The following CFAP47 variants were observed in gnomAD, a reference collection of about 807,000 sequenced individuals.
CFAP47 encodes the protein cilia and flagella associated protein 47.
A neutral mutation model predicts 148.1 loss-of-function variants in CFAP47; 29 were observed. That is an observed-to-expected ratio of 0.20 (90% CI 0.15 to 0.27). CFAP47 has a LOEUF of 0.27. Ranked by LOEUF, CFAP47 falls within the 10% of genes least tolerant of loss-of-function variation. The pLI is 1.00. For missense variants in CFAP47, 1,872 were observed against 1,697.5 expected, an observed-to-expected ratio of 1.10 and a Z score of -1.81; for synonymous variants, 664 against 577.3, an observed-to-expected ratio of 1.15 and a Z score of -2.15.
chrX:36,227,911 T>C (rs990822820), intron 45 of CFAP47, among the ~76,000 whole-genome samples: 13 of 111,871 alleles, frequency 1.2e-4, no homozygotes, highest in African/African-American at 3.9e-4. Context: ...AGAGAAAAAG[T>C]GGTGTTGCCT....
At chrX:36,250,954 A>C (rs2146922754) in intron 48 of CFAP47, among the ~76,000 whole-genome samples, 1 of 111,094 alleles carries the variant, frequency 9.0e-6, no homozygotes, top group Non-Finnish European at 1.9e-5. Flanking sequence ...TTGATGTAGA[A>C]ATTTATTGAA....
intron 49 of CFAP47, among the ~76,000 whole-genome samples, chrX:36,271,825 T>C (rs1236601050): frequency 1.8e-5 from 2 of 111,521 alleles, no homozygotes; most frequent in East Asian, 5.6e-4. Flanking sequence ...AAATCATTGA[T>C]GCTTTACAGA....
intron 60 of CFAP47, among the ~76,000 whole-genome samples, chrX:36,358,534 G>A (rs1423002475): frequency 1.8e-5 from 2 of 111,881 alleles, no homozygotes; most frequent in Non-Finnish European, 3.8e-5. Context: ...AAAGTCTTAA[G>A]TCAGACTGCT....
chrX:35,924,276 T>C (rs1935675536), intron 1 of CFAP47, among the ~76,000 whole-genome samples: 1 of 101,548 alleles, frequency 9.8e-6, no homozygotes, highest in East Asian at 3.0e-4. Context: ...TACATGTATG[T>C]GTATATGTAC....
At chrX:36,016,027 G>T (rs1484938871) in intron 22 of CFAP47, among the ~76,000 whole-genome samples, 1 of 110,050 alleles carries the variant, frequency 9.1e-6, no homozygotes, top group Non-Finnish European at 1.9e-5. Flanking sequence ...GGGGCACATA[G>T]TAGGTGTATA....
Position 36,085,416 on chromosome X carries a change from G to C in CFAP47, c.4794G>C (p.Leu1598=), listed in dbSNP as rs893638161. 8.3e-7 allele frequency: 1 copy of C among 1,200,034 alleles called. No homozygotes were observed. The highest frequency in any genetic ancestry group is 1.1e-6 in the Non-Finnish European group (1 of 887,876). The change falls in exon 30 of 64, where the codon CTG becomes CTC. Residue 1598 remains leucine, a synonymous_variant. Transcript: ENST00000378653. ...ATAATAAGACCATTTATGATGTGCTGCTCCATTTGAGTGGAAAAATGCCAC... is the reference window on the plus strand; with the variant it reads ...ATAATAAGACCATTTATGATGTGCTCCTCCATTTGAGTGGAAAAATGCCAC... ...SKYNKTIYDV[L]LHLSGKMPPG...
intron 63 of CFAP47, among the ~76,000 whole-genome samples, chrX:36,381,649 G>A (rs991252678): frequency 9.0e-6 from 1 of 110,936 alleles, no homozygotes; most frequent in Non-Finnish European, 1.9e-5. Flanking sequence ...TGAGACTAAA[G>A]TTTACTTATT....
At chrX:36,118,967 T>C (rs1190559458) in intron 33 of CFAP47, among the ~76,000 whole-genome samples, 2 of 112,329 alleles carry the variant, frequency 1.8e-5, no homozygotes, top group African/African-American at 3.2e-5. Context: ...CTAATAGTTT[T>C]TTTGAGGAAT....
At chrX:36,177,068 A>G (rs1036041609) in intron 39 of CFAP47, among the ~76,000 whole-genome samples, 9 of 112,300 alleles carry the variant, frequency 8.0e-5, no homozygotes, top group Non-Finnish European at 1.7e-4. Context: ...AGTAATTATT[A>G]TGCAGATTGA....
chrX:36,335,841 T>C (rs1941600342), intron 57 of CFAP47, among the ~76,000 whole-genome samples: 1 of 111,570 alleles, frequency 9.0e-6, no homozygotes, highest in Non-Finnish European at 1.9e-5. Context: ...CAAGATGTCA[T>C]CATTGGAGAT....
chrX:36,021,614 A>G (rs1343142134), intron 22 of CFAP47, among the ~76,000 whole-genome samples: 1 of 111,095 alleles, frequency 9.0e-6, no homozygotes, highest in African/African-American at 3.3e-5. Context: ...CCCATCATCT[A>G]GGTTTTAAGC....
chrX:36,304,209 C>T (rs781928162), intron 54 of CFAP47, among the ~76,000 whole-genome samples: 10 of 110,116 alleles, frequency 9.1e-5, no homozygotes, highest in Non-Finnish European at 1.5e-4. Context: ...TGGCAAAACC[C>T]CGTCTCTACT....
chrX:35,939,781 A>T (rs768057542), intron 2 of CFAP47, among the ~76,000 whole-genome samples: 2,040 of 98,596 alleles, frequency 0.021, 23 homozygotes, highest in Non-Finnish European at 0.03. Flanking sequence ...TTATAGCAGC[A>T]TGATTTATAG....
intron 57 of CFAP47, among the ~76,000 whole-genome samples, chrX:36,344,108 A>G: frequency 9.2e-6 from 1 of 109,044 alleles, no homozygotes; most frequent in African/African-American, 3.3e-5. Flanking sequence ...GAGGGATAGC[A>G]TTGGGAGATA....
At chrX:36,359,665 A>G (rs1470644893) in intron 60 of CFAP47, among the ~76,000 whole-genome samples, 2 of 109,699 alleles carry the variant, frequency 1.8e-5, no homozygotes, top group African/African-American at 6.7e-5. Flanking sequence ...AGCTTGAAAA[A>G]CTCCCTATTA....
At chrX:36,270,138 T>C (rs1940941634) in intron 49 of CFAP47, among the ~76,000 whole-genome samples, 1 of 111,840 alleles carries the variant, frequency 8.9e-6, no homozygotes, top group Non-Finnish European at 1.9e-5. Flanking sequence ...TATAAGTCTT[T>C]GTATGGACAT....
intron 46 of CFAP47, among the ~76,000 whole-genome samples, chrX:36,229,400 T>C (rs1193689110): frequency 5.4e-5 from 6 of 111,439 alleles, no homozygotes; most frequent in Non-Finnish European, 1.1e-4. Context: ...CCAGGTAGAA[T>C]GACAATTATT....
At position 36,001,697 on chromosome X, in the gene CFAP47, C is replaced by A. The variant is rs754561609; in HGVS notation, c.3407C>A (p.Ser1136Tyr). 1.5e-4 allele frequency: 43 copies of A among 294,011 alleles called. No individual in the cohort carries two copies. The highest frequency in any genetic ancestry group is 9.6e-4 in the African/African-American group (35 of 36,463). 24.2% of individuals were successfully genotyped at this position (294,011 alleles called of 1,213,427 possible). The change falls in exon 21 of 64, where the codon TCT (serine) becomes TAT (tyrosine). Residue 1136 changes from serine to tyrosine, a missense_variant. Ser to Tyr is a moderately radical substitution (Grantham distance 144). Transcript: ENST00000378653. ...NTSLECSITF[S>Y]PKEVTVVEFI... ...TCTCTGGAATGTAGCATAACATTTT[C>A]TCCCAAAGAAGTAAGTTCAGTTTTC...
At chrX:36,157,201 A>AT (rs922456202) in intron 37 of CFAP47, among the ~76,000 whole-genome samples, 8 of 112,312 alleles carry the variant, frequency 7.1e-5, no homozygotes, top group Admixed American at 1.9e-4. Context: ...ATGACAGCTA[A>AT]TTTTTAACAG....
Sources: allele counts gnomAD v4.1 joint callset (sites outside exome capture counted in the v4.1 genomes callset), GRCh38; gene constraint gnomAD v4.1.1; transcripts MANE v1.5; gene names NCBI Gene and HGNC (gene_info 2026-07-23, HGNC 2026-07-21).